MED13L: variants seen among roughly 807,000 people sequenced by gnomAD.
MED13L encodes the protein mediator complex subunit 13L.
A neutral mutation model predicts 220.9 loss-of-function variants in MED13L; 7 were observed. The observed-to-expected ratio is 0.03, with a 90% CI of 0.02 to 0.06. The LOEUF is 0.06. Ranked by LOEUF, MED13L falls within the 10% of genes least tolerant of loss-of-function variation. The pLI, the probability that MED13L is intolerant of heterozygous loss-of-function variation, is 1.00. For missense variants in MED13L, 1,965 were observed against 2,760.5 expected, an observed-to-expected ratio of 0.71 and a Z score of 6.46; for synonymous variants, 1,011 against 1,015.2, an observed-to-expected ratio of 1.00 and a Z score of 0.08.
Position 115,970,647 on chromosome 12 carries a change from A to G in MED13L, c.6014T>C (p.Ile2005Thr). 1 of 1,614,012 alleles carries G rather than the reference A, an allele frequency of 6.2e-7. No homozygotes were observed. Among genetic ancestry groups the G allele is most frequent in the Non-Finnish European group, 8.5e-7 (1 of 1,179,920 alleles). ...GGGGTAGTTGGCTGGAGCCACCTGG[A>G]TGGTTGATGATGTTGGGAACACCAA... The part of the protein sequence containing the change: ...HILVFPTSST[I>T]QVAPANYPNE... The change falls in exon 27 of 31, where the codon ATC (isoleucine) becomes ACC (threonine). Residue 2005 changes from isoleucine to threonine, a missense_variant. Coordinates refer to ENST00000281928, the MANE Select transcript of MED13L (RefSeq NM_015335.5).
chr12:116,205,149 G>C (rs984884291), intron 2 of MED13L, among the ~76,000 whole-genome samples: 5 of 152,006 alleles, frequency 3.3e-5, no homozygotes, highest in Admixed American at 6.5e-5. Flanking sequence ...GAACAAAAAC[G>C]GTGCCTATTA....
chr12:116,134,908 A>C (rs1186566648), intron 2 of MED13L, among the ~76,000 whole-genome samples: 1 of 152,078 alleles, frequency 6.6e-6, no homozygotes, highest in Non-Finnish European at 1.5e-5. Context: ...AGTGGCTCAC[A>C]CCTGTAACCC....
At chr12:116,249,700 C>T (rs574417385) in intron 1 of MED13L, among the ~76,000 whole-genome samples, 14 of 83,512 alleles carry the variant, frequency 1.7e-4, no homozygotes, top group South Asian at 3.7e-4. Context: ...ATGAAAAATT[C>T]GCTGTGGGTT....
intron 2 of MED13L, among the ~76,000 whole-genome samples, chr12:116,146,265 G>T (rs972412527): frequency 6.6e-6 from 1 of 152,082 alleles, no homozygotes; most frequent in Non-Finnish European, 1.5e-5. Context: ...TGGGACTACA[G>T]GTGTGTGCCA....
At chr12:116,206,074 C>CTTTTTTTTTT (rs1160337465) in intron 2 of MED13L, among the ~76,000 whole-genome samples, 3 of 87,224 alleles carry the variant, frequency 3.4e-5, no homozygotes, top group Admixed American at 1.4e-4. Context: ...GTATTATTAC[C>CTTTTTTTTTT]TTTTTTTTTT....
At chr12:115,996,332 T>C in intron 16 of MED13L, 144 bp downstream of exon 16, 1 of 865,102 alleles carries the variant, frequency 1.2e-6, no homozygotes, top group Non-Finnish European at 1.9e-6. Context: ...CCTCAAGTGA[T>C]CTGCCCGCCT....
At chr12:116,114,202 T>A (rs1043104436) in intron 2 of MED13L, among the ~76,000 whole-genome samples, 42 of 152,216 alleles carry the variant, frequency 2.8e-4, no homozygotes, top group African/African-American at 9.4e-4. Flanking sequence ...GATATCATCA[T>A]TTTACAAGTT....
chr12:116,152,218 T>G (rs567939632), intron 2 of MED13L, among the ~76,000 whole-genome samples: 1 of 152,126 alleles, frequency 6.6e-6, no homozygotes, highest in Non-Finnish European at 1.5e-5. Flanking sequence ...GCCTGCCAAA[T>G]CAAAGAGGAA....
chr12:116,195,315 A>C (rs1881551393), intron 2 of MED13L, among the ~76,000 whole-genome samples: 1 of 152,158 alleles, frequency 6.6e-6, no homozygotes, highest in Non-Finnish European at 1.5e-5. Context: ...CAAAACCACT[A>C]GAAGGGACTG....
intron 7 of MED13L, among the ~76,000 whole-genome samples, chr12:116,017,497 TATG>T (rs1471472865): frequency 6.6e-6 from 1 of 152,374 alleles, no homozygotes; most frequent in African/African-American, 2.4e-5. Context: ...ATATCTTCTC[TATG>T]ATGATTACTA....
chr12:116,204,371 A>G (rs1882187607), intron 2 of MED13L, among the ~76,000 whole-genome samples: 1 of 152,246 alleles, frequency 6.6e-6, no homozygotes, highest in South Asian at 2.1e-4. Flanking sequence ...GCTATCAGCT[A>G]GGAGTAGCTA....
chr12:116,236,403 A>G (rs896614150), intron 2 of MED13L, among the ~76,000 whole-genome samples: 3 of 152,194 alleles, frequency 2.0e-5, no homozygotes, highest in Non-Finnish European at 4.4e-5. Flanking sequence ...AAGAAAAACT[A>G]GCAAGGTGTC....
chr12:115,988,372 A>G (rs974054748), intron 17 of MED13L, among the ~76,000 whole-genome samples: 81 of 152,318 alleles, frequency 5.3e-4, no homozygotes, highest in African/African-American at 1.8e-3. Flanking sequence ...ATATTCCTGC[A>G]TAACCACCAC....
intron 25 of MED13L, 199 bp from the exon 26 acceptor site, chr12:115,972,435 G>C (rs1445607881): frequency 1.1e-5 from 7 of 632,036 alleles, no homozygotes; most frequent in Non-Finnish European, 1.9e-5. Flanking sequence ...AAGGAACAAA[G>C]GCCTACTATT....
At chr12:116,224,410 C>G (rs1022141787) in intron 2 of MED13L, among the ~76,000 whole-genome samples, 1 of 152,158 alleles carries the variant, frequency 6.6e-6, no homozygotes, top group African/African-American at 2.4e-5. Context: ...CCTCAAGGCT[C>G]AGCCTCTCAC....
intron 2 of MED13L, among the ~76,000 whole-genome samples, chr12:116,152,718 T>C (rs2138098361): frequency 6.6e-6 from 1 of 152,302 alleles, no homozygotes; most frequent in East Asian, 1.9e-4. Context: ...AGTATTGCAG[T>C]ATGATTAATA....
intron 16 of MED13L, among the ~76,000 whole-genome samples, chr12:115,994,437 G>A (rs7974288): frequency 0.17 from 26,218 of 151,874 alleles, 4,230 homozygotes; most frequent in East Asian, 0.39. Context: ...GTGACAGAGC[G>A]AGACCCTGTC....
At position 115,960,808 on chromosome 12, in the gene MED13L, T is replaced by C. The variant is rs1030225963; in HGVS notation, c.*458A>G. On this transcript the variant is annotated 3_prime_UTR_variant, in exon 31 of 31. Coordinates refer to ENST00000281928, the MANE Select transcript of MED13L (RefSeq NM_015335.5). The stretch of plus-strand genomic sequence containing the variant: ...CCATGTACTTGAGCTGGTTCTTATT[T>C]TTAAAAAGTCCCAGATTATGGAGTT... The C allele has an allele frequency of 4.5e-6, 1 of 220,346 alleles. No homozygotes were observed. Among genetic ancestry groups the C allele is most frequent in the African/African-American group, 2.2e-5 (1 of 44,730 alleles). The allele number at this position is 220,346 out of a possible 1,614,324, so 13.6% of individuals were successfully genotyped here. A position where few individuals can be genotyped will look rare whatever the true frequency, so the allele number is the denominator to read the frequency against.
chr12:116,073,930 G>A (rs1870582163), intron 4 of MED13L, among the ~76,000 whole-genome samples: 1 of 152,174 alleles, frequency 6.6e-6, no homozygotes, highest in Non-Finnish European at 1.5e-5. Flanking sequence ...TCCTGCATCA[G>A]AGAAGAATAA....
Sources: allele counts gnomAD v4.1 joint callset (sites outside exome capture counted in the v4.1 genomes callset), GRCh38; gene constraint gnomAD v4.1.1; transcripts MANE v1.5; gene names NCBI Gene and HGNC (gene_info 2026-07-23, HGNC 2026-07-21).